Variants in TRIM5 observed in about 807,000 individuals in gnomAD.
TRIM5 encodes tripartite motif-containing protein 5.
In TRIM5, 31 loss-of-function variants were observed where a neutral mutation model predicts 35.6. The observed-to-expected ratio is 0.87, with a 90% CI of 0.65 to 1.18. The LOEUF (loss-of-function observed/expected upper bound fraction) is 1.18. Among genes scored for constraint, TRIM5 ranks in the 50% most tolerant of loss-of-function variants. TRIM5 has a pLI of 0.00. For synonymous variants in TRIM5, 243 were observed against 215.6 expected (o/e 1.13, Z -1.11); for missense variants, 609 against 591.6 (o/e 1.03, Z -0.31).
the TRIM5 span, among the ~76,000 whole-genome samples, chr11:5,627,376 G>A: frequency 1.0e-3 from 158 of 151,680 alleles, no homozygotes; most frequent in African/African-American, 2.9e-3. Context: ...GCAAAACTCC[G>A]TCTCAAAAAA....
the TRIM5 span, among the ~76,000 whole-genome samples, chr11:5,637,799 T>G: frequency 9.0e-4 from 137 of 152,372 alleles, no homozygotes; most frequent in African/African-American, 3.1e-3. Context: ...TCTGTCTCTA[T>G]GACTTTGCCT....
At chr11:5,645,918 T>TATATATATATATATCTATATATAG in the TRIM5 span, 18 of 156,614 alleles carry the variant, frequency 1.1e-4, no homozygotes, top group African/African-American at 5.3e-4. Flanking sequence ...TATATATAGA[T>TATATATATATATATCTATATATAG]ATATATATAG....
chr11:5,601,848 CTA>C, the TRIM5 span, among the ~76,000 whole-genome samples: 1 of 152,034 alleles, frequency 6.6e-6, no homozygotes, highest in Non-Finnish European at 1.5e-5. Context: ...TGAGAGGGCT[CTA>C]TGTGGAGCAG....
At chr11:5,604,797 G>T in the TRIM5 span, 1 of 632,130 alleles carries the variant, frequency 1.6e-6, no homozygotes, top group South Asian at 2.8e-5. Context: ...GAGGAGAGGA[G>T]GTAAATAGCA....
At chr11:5,623,429 G>A in the TRIM5 span, among the ~76,000 whole-genome samples, 1 of 151,786 alleles carries the variant, frequency 6.6e-6, no homozygotes, top group Non-Finnish European at 1.5e-5. Context: ...GTGCAGTGGT[G>A]CGATCTCGGC....
At chr11:5,637,151 CGA>C in the TRIM5 span, among the ~76,000 whole-genome samples, 1 of 140,872 alleles carries the variant, frequency 7.1e-6, no homozygotes, top group African/African-American at 2.6e-5. Context: ...CCAGCCTGGG[CGA>C]CAGAGCGAGA....
chr11:5,623,128 T>C, the TRIM5 span, among the ~76,000 whole-genome samples: 1 of 105,218 alleles, frequency 9.5e-6, no homozygotes, highest in African/African-American at 4.2e-5. Context: ...TTTTTTTTTA[T>C]CTTAGTAGCT....
the TRIM5 span, among the ~76,000 whole-genome samples, chr11:5,604,271 C>T: frequency 1.3e-5 from 2 of 152,162 alleles, no homozygotes; most frequent in African/African-American, 4.8e-5. Flanking sequence ...GCCTCAGCCT[C>T]CCAAAGTGCT....
the TRIM5 span, among the ~76,000 whole-genome samples, chr11:5,608,847 A>T: frequency 1.6e-4 from 16 of 101,884 alleles, no homozygotes; most frequent in East Asian, 3.3e-4. Context: ...TTGCCCATAA[A>T]TTTTTTTTTT....
chr11:5,607,030 C>T, the TRIM5 span, among the ~76,000 whole-genome samples: 101,154 of 150,242 alleles, frequency 0.67, 35,060 homozygotes, highest in African/African-American at 0.85. Flanking sequence ...GGTGAAACCC[C>T]GTCTCTACTA....
the TRIM5 span, chr11:5,611,777 T>C: frequency 1.1e-5 from 2 of 186,264 alleles, no homozygotes; most frequent in Non-Finnish European, 2.3e-5. Flanking sequence ...AAACAGTTAC[T>C]CAGTACTAGG....
chr11:5,610,143 A>T, the TRIM5 span: 2 of 1,613,976 alleles, frequency 1.2e-6, no homozygotes, highest in Non-Finnish European at 1.7e-6. Flanking sequence ...TGTCCTTTCT[A>T]GGAGTGAGTT....
At chr11:5,606,820 C>T in the TRIM5 span, among the ~76,000 whole-genome samples, 2 of 152,202 alleles carry the variant, frequency 1.3e-5, no homozygotes, top group African/African-American at 4.8e-5. Flanking sequence ...CTTGAGTAGT[C>T]TTTTCTAAAA....
At chr11:5,650,059 G>T in the TRIM5 span, among the ~76,000 whole-genome samples, 1 of 152,196 alleles carries the variant, frequency 6.6e-6, no homozygotes, top group Non-Finnish European at 1.5e-5. Context: ...TGGAATCAAT[G>T]CTGTGTGGAA....
At chr11:5,603,561 G>A in the TRIM5 span, 1 of 1,614,048 alleles carries the variant, frequency 6.2e-7, no homozygotes, top group Non-Finnish European at 8.5e-7. Context: ...GGCTCAGAGA[G>A]GTAGTGTTGG....
chr11:5,679,203 T>C, intron 2 of TRIM5, 34 bp from the exon 3 acceptor site: 1 of 1,590,916 alleles, frequency 6.3e-7, no homozygotes, highest in Non-Finnish European at 8.6e-7. Flanking sequence ...AGTCAAGCTA[T>C]GAGGTTTTCC....
chr11:5,633,931 A>G, the TRIM5 span: 4 of 1,610,984 alleles, frequency 2.5e-6, no homozygotes, highest in South Asian at 4.4e-5. Context: ...TTTCTGAGAC[A>G]GGAATCTTGA....
chr11:5,595,509 T>G, the TRIM5 span, among the ~76,000 whole-genome samples: 5 of 152,210 alleles, frequency 3.3e-5, no homozygotes, highest in African/African-American at 1.2e-4. Context: ...CTCGTATAAC[T>G]TTATATGTTT....
At chr11:5,647,825 C>T in the TRIM5 span, among the ~76,000 whole-genome samples, 1 of 151,900 alleles carries the variant, frequency 6.6e-6, no homozygotes, top group Non-Finnish European at 1.5e-5. Context: ...CCGGCTGAGA[C>T]ACCTATTAAA....
Sources: allele counts gnomAD v4.1 joint callset (sites outside exome capture counted in the v4.1 genomes callset), GRCh38; gene constraint gnomAD v4.1.1; transcripts MANE v1.5; gene names NCBI Gene and HGNC (gene_info 2026-07-23, HGNC 2026-07-21).